Variants in PIP5K1C observed in about 807,000 individuals in gnomAD.
PIP5K1C encodes phosphatidylinositol-4-phosphate 5-kinase type 1 gamma.
PIP5K1C carries 45 observed loss-of-function variants against 80.1 expected under a neutral mutation model. The observed-to-expected ratio is 0.56, with a 90% CI of 0.44 to 0.72. The LOEUF is 0.72. PIP5K1C is among the 30% of genes least tolerant of loss of function. The pLI, the probability that PIP5K1C is intolerant of heterozygous loss-of-function variation, is 0.00. For synonymous variants in PIP5K1C, 498 were observed against 420.1 expected (o/e 1.19, Z -2.27); for missense variants, 753 against 954.6 (o/e 0.79, Z 2.78).
At position 3,664,091 on chromosome 19, in the gene PIP5K1C, G is replaced by A. The variant is rs761344101; in HGVS notation, c.219+731C>T. The stretch of plus-strand genomic sequence containing the variant: ...CCCAGTGCGAATGAACCCTGAGGAC[G>A]CTACACTCAGTGAGAGACGCCAGAC... On this transcript the variant is annotated intron_variant, in intron 3 of 17. Coordinates refer to ENST00000335312, the MANE Select transcript of PIP5K1C (RefSeq NM_012398.3). Among the ~76,000 whole-genome samples the A allele has an allele frequency of 4.6e-5, 7 of 152,342 alleles. No individual in the cohort carries two copies. In the South Asian group the frequency reaches 8.3e-4, roughly 18 times the overall value.
At chr19:3,664,961 A>C (rs2034961907) in intron 2 of PIP5K1C, 47 bp from the exon 3 acceptor site, 1 of 1,442,288 alleles carries the variant, frequency 6.9e-7, no homozygotes, top group South Asian at 1.1e-5. Context: ...GAGCACGCCC[A>C]CCGGGACAGG....
intron 1 of PIP5K1C, 98 bp from the exon 2 acceptor site, chr19:3,667,451 C>T (rs534837494): frequency 9.1e-6 from 12 of 1,317,640 alleles, no homozygotes; most frequent in East Asian, 2.3e-5. Flanking sequence ...CCAGGCCTGG[C>T]GTGTGTAACT....
At chr19:3,691,925 C>G (rs960296194) in intron 1 of PIP5K1C, among the ~76,000 whole-genome samples, 1 of 152,166 alleles carries the variant, frequency 6.6e-6, no homozygotes, top group African/African-American at 2.4e-5. Flanking sequence ...CTGGCTCATA[C>G]GCGCCCACAG....
At chr19:3,667,391 G>A (rs549683582) in intron 1 of PIP5K1C, 38 bp from the exon 2 acceptor site, 12 of 1,612,302 alleles carry the variant, frequency 7.4e-6, no homozygotes, top group Middle Eastern at 1.7e-4. Flanking sequence ...ACAGGAAACC[G>A]GTGACCTCTG....
intron 6 of PIP5K1C, among the ~76,000 whole-genome samples, chr19:3,654,121 C>T (rs146464087): frequency 1.3e-5 from 2 of 152,240 alleles, no homozygotes; most frequent in Non-Finnish European, 2.9e-5. Flanking sequence ...CCCACCTCAG[C>T]CTCCGAAAGT....
chr19:3,636,914 C>T (rs747563798), intron 16 of PIP5K1C: 204 of 1,006,664 alleles, frequency 2.0e-4, no homozygotes, highest in Non-Finnish European at 2.2e-4. Flanking sequence ...CTCACAGCTA[C>T]GTGGGGCCCA....
At position 3,696,724 on chromosome 19, in the gene PIP5K1C, CA is replaced by C; in HGVS notation, c.94+3572del. 2.1e-5 allele frequency among the ~76,000 whole-genome samples: 1 copy of C among 47,452 alleles called. No individual in the cohort carries two copies. The highest frequency in any genetic ancestry group is 1.2e-4 in the African/African-American group (1 of 8,140). The allele number at this position is 47,452 out of a possible 152,430, so 31.1% of individuals were successfully genotyped here. On this transcript the variant is annotated intron_variant, in intron 1 of 17. Coordinates refer to ENST00000335312, the MANE Select transcript of PIP5K1C (RefSeq NM_012398.3). This position sits in a 1 kb window ranked among gnomAD's most constrained non-coding sequence, Gnocchi z 4.1. Reference sequence around the variant, plus strand: ...AGTGCAGACGGGAGGGCAGGGAGGGCAGAGTGCGGAGGGGAGGGCAGGGAGG... The same window carrying C: ...AGTGCAGACGGGAGGGCAGGGAGGGCGAGTGCGGAGGGGAGGGCAGGGAGG...
At chr19:3,693,368 T>G (rs2036000965) in intron 1 of PIP5K1C, among the ~76,000 whole-genome samples, 1 of 152,038 alleles carries the variant, frequency 6.6e-6, no homozygotes, top group South Asian at 2.1e-4. Flanking sequence ...GGGGCCCTCA[T>G]GCTCGACTCC....
At chr19:3,664,989 G>GGGAAGA (rs1463094214) in intron 2 of PIP5K1C, 75 bp from the exon 3 acceptor site, 16 of 1,239,604 alleles carry the variant, frequency 1.3e-5, no homozygotes, top group Non-Finnish European at 1.8e-5. Context: ...CTGAAACCCT[G>GGGAAGA]GGAAGAAAGG....
At chr19:3,684,651 G>C (rs1437188906) in intron 1 of PIP5K1C, among the ~76,000 whole-genome samples, 3 of 152,350 alleles carry the variant, frequency 2.0e-5, no homozygotes, top group Non-Finnish European at 4.4e-5. Context: ...GACAGCAAAA[G>C]CACTGCAGCG....
Position 3,667,017 on chromosome 19 carries a change from AG to A in PIP5K1C, c.126+304del, listed in dbSNP as rs3842426. ...CCCCACCGCCCACCCCCCAGAATCC[AG>A]GCTCCACGTGGCCTGGAACCCAGAG... On this transcript the variant is annotated intron_variant, in intron 2 of 17. Coordinates refer to ENST00000335312, the MANE Select transcript of PIP5K1C (RefSeq NM_012398.3). Among the ~76,000 whole-genome samples, 29 of 84,284 alleles carry A rather than the reference AG, an allele frequency of 3.4e-4. 1 individual carries two copies. The East Asian group carries it at 8.3e-3, about 24-fold the overall frequency. 55.3% of individuals were successfully genotyped at this position (84,284 alleles called of 152,430 possible).
Position 3,700,376 on chromosome 19 carries a change from T to G in PIP5K1C, c.15A>C (p.Val5=). The G allele has an allele frequency of 7.9e-7, 1 of 1,265,758 alleles. No homozygotes were observed. Among genetic ancestry groups the G allele is most frequent in the Non-Finnish European group, 1.0e-6 (1 of 987,680 alleles). The allele number at this position is 1,265,758 out of a possible 1,614,324, so 78.4% of individuals were successfully genotyped here. ...CCTCAGCGCTCTCCGCCTCGTCCGGTACCTCCAGCTCCATGGCCGCGCGCG... is the reference window on the plus strand; with the variant it reads ...CCTCAGCGCTCTCCGCCTCGTCCGGGACCTCCAGCTCCATGGCCGCGCGCG... MELE[V]PDEAESAEAG... is the part of the protein sequence containing the mutation. The change falls in exon 1 of 18, where the codon GTA becomes GTC. Residue 5 remains valine (V), a synonymous_variant. Transcript: ENST00000335312.
At chr19:3,656,023 T>G (rs953044822) in intron 6 of PIP5K1C, among the ~76,000 whole-genome samples, 1 of 152,198 alleles carries the variant, frequency 6.6e-6, no homozygotes, top group Non-Finnish European at 1.5e-5. Flanking sequence ...TCTGGAACCC[T>G]CTGAGTCACC....
intron 1 of PIP5K1C, among the ~76,000 whole-genome samples, chr19:3,687,326 C>T (rs1217515484): frequency 6.6e-6 from 1 of 152,174 alleles, no homozygotes; most frequent in East Asian, 1.9e-4. Context: ...TGCGCCACTG[C>T]ACTCCAGCCT....
At chr19:3,655,164 A>C (rs2034580022) in intron 6 of PIP5K1C, among the ~76,000 whole-genome samples, 1 of 150,268 alleles carries the variant, frequency 6.7e-6, no homozygotes, top group South Asian at 2.1e-4. Context: ...CACGCCTATA[A>C]TTCCAACACT....
At chr19:3,678,130 TG>T (rs1301386061) in intron 1 of PIP5K1C, among the ~76,000 whole-genome samples, 4 of 84,652 alleles carry the variant, frequency 4.7e-5, no homozygotes, top group African/African-American at 1.9e-4. Flanking sequence ...GATGGAGGGA[TG>T]GAGAGATGGC....
In PIP5K1C at chr19:3,643,237, G is replaced by T. The variant is rs373904192; in HGVS notation, c.1649+6C>A. The T allele has an allele frequency of 1.2e-6, 2 of 1,613,006 alleles. No individual in the cohort carries two copies. Among genetic ancestry groups the T allele is most frequent in the Non-Finnish European group, 1.7e-6 (2 of 1,179,800 alleles). On this transcript the variant is annotated splice_donor_region_variant and intron_variant, in intron 13 of 17. Transcript: ENST00000335312. The stretch of plus-strand genomic sequence containing the variant: ...CGCCCACATGCACTGCGGATGCCTC[G>T]CCCACCTGTACCGCGGCTGCTCCGA...
intron 1 of PIP5K1C, among the ~76,000 whole-genome samples, chr19:3,698,376 C>T (rs972219575): frequency 6.6e-6 from 1 of 152,226 alleles, no homozygotes; most frequent in South Asian, 2.1e-4. Context: ...AGGGGGACAT[C>T]GGCGGGACCA....
At chr19:3,639,551 C>T (rs2033872777) in intron 15 of PIP5K1C, among the ~76,000 whole-genome samples, 1 of 152,204 alleles carries the variant, frequency 6.6e-6, no homozygotes, top group Non-Finnish European at 1.5e-5. Flanking sequence ...CCAACCTTGG[C>T]CTCCCAAGTA....
Sources: allele counts gnomAD v4.1 joint callset (sites outside exome capture counted in the v4.1 genomes callset), GRCh38; gene constraint gnomAD v4.1.1; non-coding constraint Gnocchi (gnomAD v3.1); transcripts MANE v1.5; gene names NCBI Gene and HGNC (gene_info 2026-07-23, HGNC 2026-07-21).